RUSC2: variants seen among roughly 807,000 people sequenced by gnomAD.
The protein encoded by RUSC2 is AP-4 complex accessory subunit RUSC2.
A neutral mutation model predicts 122.2 loss-of-function variants in RUSC2; 34 were observed. The ratio of observed to expected loss-of-function variants is 0.28; its 90% CI spans 0.21 to 0.37. RUSC2 has a LOEUF of 0.37. RUSC2 is among the 10% of genes least tolerant of loss of function. The pLI is 1.00. For synonymous variants in RUSC2, 784 were observed against 790.0 expected (o/e 0.99, Z 0.13); for missense variants, 1,747 against 1,952.4 (o/e 0.89, Z 1.98).
chr9:35,505,490 T>A (rs752276778), intron 1 of RUSC2, among the ~76,000 whole-genome samples: 28 of 152,188 alleles, frequency 1.8e-4, no homozygotes, highest in Non-Finnish European at 3.1e-4. Context: ...TATGCCTTCA[T>A]TTGACCTTGT....
At position 35,557,874 on chromosome 9, in the gene RUSC2, AC is replaced by A. The variant is rs1403507039; in HGVS notation, c.2984-39del. The A allele has an allele frequency of 3.2e-6, 5 of 1,586,364 alleles. No individual in the cohort carries two copies. Among genetic ancestry groups the A allele is most frequent in the Non-Finnish European group, 4.3e-6 (5 of 1,154,746 alleles). On this transcript the variant is annotated intron_variant, in intron 5 of 11. Coordinates refer to ENST00000361226, the MANE Select transcript of RUSC2 (RefSeq NM_014806.5). The surrounding 1 kb of genome is among the most constrained non-coding windows in gnomAD (Gnocchi z 4.6). ...TCAGCCCCAGCTGAGTTGGTTAAGG[AC>A]TTGCTCAGGGACCTGTCACATCACA...
Position 35,547,782 on chromosome 9 carries a change from T to G in RUSC2, c.1261T>G (p.Ser421Ala). The G allele has an allele frequency of 1.2e-6, 2 of 1,614,118 alleles. No homozygotes were observed. The highest frequency in any genetic ancestry group is 1.7e-6 in the Non-Finnish European group (2 of 1,180,026). The change falls in exon 2 of 12, where the codon TCT becomes GCT. Residue 421 changes from serine (S) to alanine (A), a missense_variant. By Grantham distance (99) the Ser-to-Ala change is moderately conservative. Coordinates refer to ENST00000361226, the MANE Select transcript of RUSC2 (RefSeq NM_014806.5). The surrounding 1 kb of genome is among the most constrained non-coding windows in gnomAD (Gnocchi z 4.6). Reference protein sequence around the residue: ...SPAGSSITSCSEEHTKISPPP... With the variant: ...SPAGSSITSCAEEHTKISPPP... ...TGCTGGCTCTTCCATCACTAGCTGC[T>G]CTGAGGAACACACCAAGATAAGTCC...
Position 35,547,758 on chromosome 9 carries a change from G to C in RUSC2, c.1237G>C (p.Ala413Pro). The C allele has an allele frequency of 1.9e-6, 3 of 1,614,102 alleles. No homozygotes were observed. Among genetic ancestry groups the C allele is most frequent in the Non-Finnish European group, 2.5e-6 (3 of 1,180,038 alleles). Residue 413 changes from alanine (A) to proline (P), a missense_variant, in exon 2 of 12, where the codon GCT (alanine) becomes CCT (proline). Physicochemically the swap from Ala to Pro is conservative, Grantham distance 27. Transcript: ENST00000361226. This position sits in a 1 kb window ranked among gnomAD's most constrained non-coding sequence, Gnocchi z 4.6. ...DLSSQSSPSP[A>P]GSSITSCSEE... ...ATCTTCCCAATCATCCCCAAGCCCT[G>C]CTGGCTCTTCCATCACTAGCTGCTC...
chr9:35,516,888 T>G (rs886506863), intron 1 of RUSC2, among the ~76,000 whole-genome samples: 2 of 152,210 alleles, frequency 1.3e-5, no homozygotes, highest in African/African-American at 4.8e-5. Context: ...AAAAGGGAAT[T>G]GCTAAGAAAG....
At chr9:35,495,562 A>T (rs920279240) in intron 1 of RUSC2, among the ~76,000 whole-genome samples, 1 of 152,008 alleles carries the variant, frequency 6.6e-6, no homozygotes, top group South Asian at 2.1e-4. Context: ...CACTGTTTTG[A>T]TTACTGTAGC....
chr9:35,514,912 A>G (rs529387909), intron 1 of RUSC2, among the ~76,000 whole-genome samples: 2 of 152,294 alleles, frequency 1.3e-5, no homozygotes, highest in East Asian at 3.9e-4. Context: ...TAAAGAGACT[A>G]CCCAGAAGTT....
chr9:35,534,879 T>C (rs1821491888), intron 1 of RUSC2, among the ~76,000 whole-genome samples: 1 of 152,266 alleles, frequency 6.6e-6, no homozygotes, highest in Admixed American at 6.5e-5. Context: ...AGATATATGA[T>C]CTGCAAATTT....
chr9:35,499,277 A>G (rs1287215608), intron 1 of RUSC2, among the ~76,000 whole-genome samples: 2 of 151,968 alleles, frequency 1.3e-5, no homozygotes, highest in African/African-American at 4.9e-5. Context: ...ACAGAGTGAA[A>G]CTCTCAAAAA....
In RUSC2 at chr9:35,501,164, T is replaced by G. The variant is rs1820811525; in HGVS notation, c.-93+10992T>G. ...AAGATAAAAGTTGGGCTGTTTTGGT[T>G]GAATGCATGGAGTTGGGAGAAGTAG... On this transcript the variant is annotated intron_variant, in intron 1 of 11. Transcript: ENST00000361226. Among the ~76,000 whole-genome samples, 3 of 152,236 alleles carry G rather than the reference T, an allele frequency of 2.0e-5. No individual in the cohort carries two copies. The South Asian group carries it at 6.2e-4, about 32-fold the overall frequency.
At position 35,548,317 on chromosome 9, in the gene RUSC2, C is replaced by T; in HGVS notation, c.1796C>T (p.Pro599Leu). The change falls in exon 2 of 12, where the codon CCC becomes CTC. Residue 599 changes from proline (P) to leucine (L), a missense_variant. Coordinates refer to ENST00000361226, the MANE Select transcript of RUSC2 (RefSeq NM_014806.5). The surrounding 1 kb of genome is among the most constrained non-coding windows in gnomAD (Gnocchi z 4.5). ...EGTCCSHSLP[P>L]MPLGPGMDLL... ...ACTTGCTGTAGCCATAGCCTGCCAC[C>T]CATGCCTTTGGGGCCAGGCATGGAC... 6.2e-7 allele frequency: 1 copy of T among 1,614,084 alleles called. No individual in the cohort carries two copies.
At chr9:35,492,705 A>G (rs1291802495) in intron 1 of RUSC2, among the ~76,000 whole-genome samples, 1 of 152,098 alleles carries the variant, frequency 6.6e-6, no homozygotes, top group Non-Finnish European at 1.5e-5. Flanking sequence ...AGAATTTACC[A>G]TTGTAATAAT....
intron 8 of RUSC2, 102 bp from the exon 9 acceptor site, chr9:35,559,124 G>A: frequency 1.1e-6 from 1 of 899,538 alleles, no homozygotes; most frequent in Non-Finnish European, 1.9e-6. Context: ...TGCCATGGAA[G>A]GGCGTGTTCA....
chr9:35,492,470 A>G (rs1039825111), intron 1 of RUSC2, among the ~76,000 whole-genome samples: 106 of 149,768 alleles, frequency 7.1e-4, no homozygotes, highest in African/African-American at 1.8e-3. Context: ...TTACCCAGGA[A>G]AAAAAAAAAA....
intron 1 of RUSC2, among the ~76,000 whole-genome samples, chr9:35,542,685 C>T (rs1821664471): frequency 6.6e-6 from 1 of 152,216 alleles, no homozygotes; most frequent in South Asian, 2.1e-4. Flanking sequence ...GTATTGCAGT[C>T]TCCAACCTCA....
chr9:35,531,038 T>C (rs937740529), intron 1 of RUSC2, among the ~76,000 whole-genome samples: 4 of 151,806 alleles, frequency 2.6e-5, no homozygotes, highest in African/African-American at 9.7e-5. Context: ...GGCGGGTGGA[T>C]CACGAGGTCA....
intron 1 of RUSC2, among the ~76,000 whole-genome samples, chr9:35,533,372 C>T (rs993528295): frequency 2.0e-5 from 3 of 152,160 alleles, no homozygotes; most frequent in African/African-American, 7.2e-5. Context: ...TCACCCATAC[C>T]CCCAGTTATG....
chr9:35,526,895 A>G (rs1821334512), intron 1 of RUSC2, among the ~76,000 whole-genome samples: 1 of 152,158 alleles, frequency 6.6e-6, no homozygotes, highest in Admixed American at 6.6e-5. Flanking sequence ...TTTTCTAATA[A>G]CTTCTGAAAT....
chr9:35,538,947 C>T (rs947554463), intron 1 of RUSC2: 3 of 152,332 alleles, frequency 2.0e-5, no homozygotes, highest in Non-Finnish European at 2.9e-5. Context: ...GCATTAGCAA[C>T]GATGCCATTG....
rs201343098 is a variant in RUSC2 at position 35,521,125 on chromosome 9, A to AT, written c.-92-25297dup. ...TATTCATGTTGGAATGCAGGAGGTC[A>AT]TTTTTTTTAACACACTGCATAGGAA... On this transcript the variant is annotated intron_variant, in intron 1 of 11. Transcript: ENST00000361226. Among the ~76,000 whole-genome samples, 541 of 152,048 alleles carry AT rather than the reference A, an allele frequency of 3.6e-3. 1 individual carries two copies. The highest frequency in any genetic ancestry group is 0.012 in the African/African-American group (509 of 41,494).
Sources: gnomAD v4.1 joint callset for allele counts (sites outside exome capture counted in the v4.1 genomes callset) on GRCh38, gnomAD v4.1.1 for gene constraint, Gnocchi (gnomAD v3.1) non-coding constraint, MANE v1.5 for transcripts, NCBI Gene and HGNC (gene_info 2026-07-23, HGNC 2026-07-21) for gene names.